Variants in WSCD2 observed in about 807,000 individuals in gnomAD.
WSCD2 encodes sialate:O-sulfotransferase 2.
Under a neutral mutation model 55.7 loss-of-function variants are expected in WSCD2, and 28 were observed. The ratio of observed to expected loss-of-function variants is 0.50; its 90% CI spans 0.37 to 0.69. The LOEUF is 0.69. WSCD2 is among the 30% of genes least tolerant of loss of function. WSCD2 has a pLI of 0.00. For synonymous variants in WSCD2, 301 were observed against 301.9 expected, an observed-to-expected ratio of 1.00 and a Z score of 0.03; for missense variants, 616 against 762.1, an observed-to-expected ratio of 0.81 and a Z score of 2.26.
At chr12:108,212,128 A>G (rs1382082321) in intron 4 of WSCD2, among the ~76,000 whole-genome samples, 1 of 152,208 alleles carries the variant, frequency 6.6e-6, no homozygotes, top group East Asian at 1.9e-4. Flanking sequence ...AGGGCAGAGG[A>G]CAGAGGTAGC....
chr12:108,202,608 A>G (rs765178996), intron 2 of WSCD2, among the ~76,000 whole-genome samples: 29 of 152,194 alleles, frequency 1.9e-4, no homozygotes, highest in Non-Finnish European at 3.5e-4. Flanking sequence ...AGGAACAGAA[A>G]ACCAAATACT....
chr12:108,195,826 T>A lies in WSCD2; in HGVS notation c.-7T>A. On this transcript the variant is annotated 5_prime_UTR_variant, in exon 2 of 9. Transcript: ENST00000547525. ...GCCCCAGAGAGCCAGTCCGGAATGA[T>A]CCCACTATGGCCAAGCTCTGGTTCA... 5 of 1,601,232 alleles carry A rather than the reference T, an allele frequency of 3.1e-6. No individual in the cohort carries two copies. Among genetic ancestry groups the A allele is most frequent in the Non-Finnish European group, 4.3e-6 (5 of 1,172,692 alleles).
intron 1 of WSCD2, among the ~76,000 whole-genome samples, chr12:108,164,159 T>TTTTTTTTTTTTTTTTTTTTTG (rs1470930721): frequency 1.4e-5 from 2 of 145,462 alleles, no homozygotes; most frequent in Non-Finnish European, 1.5e-5. Context: ...TTTTTTTTTT[T>TTTTTTTTTTTTTTTTTTTTTG]TTTCAGAGAG....
chr12:108,161,685 G>A (rs761281333), intron 1 of WSCD2, among the ~76,000 whole-genome samples: 3 of 152,184 alleles, frequency 2.0e-5, no homozygotes, highest in East Asian at 1.9e-4. Flanking sequence ...TTGGCAGCCC[G>A]GCTTAGCACA....
intron 1 of WSCD2, among the ~76,000 whole-genome samples, chr12:108,170,305 C>A (rs771465276): frequency 6.6e-6 from 1 of 152,002 alleles, no homozygotes; most frequent in African/African-American, 2.4e-5. Context: ...CACACACACA[C>A]AGAGAAACGG....
intron 1 of WSCD2, among the ~76,000 whole-genome samples, chr12:108,145,590 T>C (rs537495625): frequency 1.3e-5 from 2 of 152,346 alleles, no homozygotes; most frequent in East Asian, 3.9e-4. Flanking sequence ...CAGCAGTATT[T>C]ATTTAGGCAG....
At chr12:108,149,319 G>A (rs138909691) in intron 1 of WSCD2, among the ~76,000 whole-genome samples, 104 of 152,254 alleles carry the variant, frequency 6.8e-4, no homozygotes, top group Middle Eastern at 3.4e-3. Context: ...ACAGAGACTC[G>A]ATGTTAACTT....
At chr12:108,221,495 G>T (rs1448239041) in intron 4 of WSCD2, among the ~76,000 whole-genome samples, 1 of 152,208 alleles carries the variant, frequency 6.6e-6, no homozygotes, top group African/African-American at 2.4e-5. Context: ...GGTGCAGGTT[G>T]CAGGAAGCCA....
At chr12:108,214,345 C>G (rs1886583004) in intron 4 of WSCD2, among the ~76,000 whole-genome samples, 1 of 152,130 alleles carries the variant, frequency 6.6e-6, no homozygotes, top group African/African-American at 2.4e-5. Context: ...TGGAATGTTC[C>G]CATAATAGTG....
chr12:108,206,479 C>G lies in WSCD2; in HGVS notation c.497+76C>G, dbSNP rs1414886980. 2.2e-5 allele frequency: 31 copies of G among 1,431,616 alleles called. No individual in the cohort carries two copies. The Admixed American group carries it at 4.4e-4, about 20-fold the overall frequency. 88.7% of individuals were successfully genotyped at this position (1,431,616 alleles called of 1,614,324 possible). A position where few individuals can be genotyped will look rare whatever the true frequency, so the allele number is the denominator to read the frequency against. On this transcript the variant is annotated intron_variant, in intron 3 of 8. Coordinates refer to ENST00000547525, the MANE Select transcript of WSCD2 (RefSeq NM_014653.4). ...ATTCCCACCTGTGGTATTCTTTGCC[C>G]TGCTATGGGAGGGTGTGTTGAAGGG...
chr12:108,199,107 G>A (rs1158131341), intron 2 of WSCD2, among the ~76,000 whole-genome samples: 1 of 152,214 alleles, frequency 6.6e-6, no homozygotes, highest in African/African-American at 2.4e-5. Flanking sequence ...ACAGCCTTTG[G>A]AATCAGGCAG....
intron 4 of WSCD2, among the ~76,000 whole-genome samples, chr12:108,218,968 A>G (rs750813557): frequency 5.9e-5 from 9 of 152,192 alleles, no homozygotes; most frequent in Non-Finnish European, 1.3e-4. Context: ...CACTGGGGAA[A>G]TAAGTATTTT....
intron 1 of WSCD2, among the ~76,000 whole-genome samples, chr12:108,140,360 G>A (rs144560506): frequency 8.5e-5 from 13 of 152,164 alleles, no homozygotes; most frequent in Admixed American, 8.5e-4. Flanking sequence ...TTTTATTTCA[G>A]GTCTTGTCAG....
At chr12:108,211,026 C>A (rs2137105645) in intron 4 of WSCD2, among the ~76,000 whole-genome samples, 1 of 152,362 alleles carries the variant, frequency 6.6e-6, no homozygotes, top group African/African-American at 2.4e-5. Flanking sequence ...TGTTTAATGA[C>A]AGCTAGTAAC....
chr12:108,209,583 A>G (rs57715001), intron 3 of WSCD2, among the ~76,000 whole-genome samples: 4,237 of 152,072 alleles, frequency 0.028, 188 homozygotes, highest in African/African-American at 0.096. Context: ...AGATGAAGGC[A>G]GGTGGATGGT....
intron 1 of WSCD2, among the ~76,000 whole-genome samples, chr12:108,138,174 G>A (rs1412780802): frequency 6.6e-6 from 1 of 152,158 alleles, no homozygotes; most frequent in Non-Finnish European, 1.5e-5. Flanking sequence ...AGGCTGGAGA[G>A]GACTCTGAGA....
At chr12:108,225,579 G>A (rs982541445) in intron 5 of WSCD2, among the ~76,000 whole-genome samples, 8 of 151,702 alleles carry the variant, frequency 5.3e-5, no homozygotes, top group African/African-American at 1.7e-4. Flanking sequence ...TGGTGGAGGT[G>A]TGTGAGCAGA....
chr12:108,150,102 T>A (rs1877816876), intron 1 of WSCD2, among the ~76,000 whole-genome samples: 1 of 151,960 alleles, frequency 6.6e-6, no homozygotes, highest in South Asian at 2.1e-4. Context: ...CATTTAATCC[T>A]AACAACAGCC....
In WSCD2 at chr12:108,210,231, G is replaced by C; in HGVS notation, c.608G>C (p.Arg203Pro). The change falls in exon 4 of 9, where the codon CGA becomes CCA. Residue 203 changes from arginine to proline, a missense_variant. By Grantham distance (103) the Arg-to-Pro change is moderately radical (BLOSUM62 -2). This residue lies in a region of WSCD2 where 374 missense variants were observed against 467.4 expected (regional missense o/e 0.80). Coordinates refer to ENST00000547525, the MANE Select transcript of WSCD2 (RefSeq NM_014653.4). This position sits in a 1 kb window ranked among gnomAD's most constrained non-coding sequence, Gnocchi z 4.3. The part of the protein sequence containing the change: ...AECDMECKGE[R>P]GSVCGGANRL... ...TGCGACATGGAGTGCAAGGGCGAGC[G>C]AGGCAGCGTGTGCGGCGGCGCCAAC... 1 of 1,612,828 alleles carries C rather than the reference G, an allele frequency of 6.2e-7. No homozygotes were observed. Among genetic ancestry groups the C allele is most frequent in the Non-Finnish European group, 8.5e-7 (1 of 1,179,422 alleles).
Sources: gnomAD v4.1 joint callset for allele counts (sites outside exome capture counted in the v4.1 genomes callset) on GRCh38, gnomAD v4.1.1 for gene constraint, gnomAD v4.1.1 regional missense constraint, Gnocchi (gnomAD v3.1) non-coding constraint, MANE v1.5 for transcripts, NCBI Gene and HGNC (gene_info 2026-07-23, HGNC 2026-07-21) for gene names.